Variants in SDK1 observed in about 807,000 individuals in gnomAD.
SDK1 encodes sidekick cell adhesion molecule 1.
SDK1 carries 157 observed loss-of-function variants against 245.5 expected under a neutral mutation model. The ratio of observed to expected loss-of-function variants is 0.64; its 90% CI spans 0.56 to 0.73. The LOEUF (loss-of-function observed/expected upper bound fraction) is 0.73, where lower values mean the gene tolerates loss of function less well. SDK1 is among the 30% of genes least tolerant of loss of function. SDK1 has a pLI of 0.00. For missense variants in SDK1, 3,583 were observed against 3,002.3 expected (o/e 1.19, Z -4.52); for synonymous variants, 1,647 against 1,278.5 (o/e 1.29, Z -6.15).
At chr7:3,602,134 A>G (rs532083388) in intron 1 of SDK1, among the ~76,000 whole-genome samples, 46 of 151,920 alleles carry the variant, frequency 3.0e-4, no homozygotes, top group African/African-American at 9.2e-4. Context: ...GCTACAATAA[A>G]CATACGTGTG....
intron 1 of SDK1, among the ~76,000 whole-genome samples, chr7:3,428,379 G>C (rs1779735233): frequency 6.6e-6 from 1 of 152,188 alleles, no homozygotes; most frequent in Admixed American, 6.5e-5. Context: ...TGCAAAGCAA[G>C]GACTGCGAGT....
intron 5 of SDK1, among the ~76,000 whole-genome samples, chr7:3,866,888 T>C (rs1780835222): frequency 6.6e-6 from 1 of 152,172 alleles, no homozygotes; most frequent in South Asian, 2.1e-4. Context: ...CCATGGGAGC[T>C]GGACTGCCGA....
At chr7:4,125,086 T>TGATG in intron 25 of SDK1, among the ~76,000 whole-genome samples, 1 of 146,110 alleles carries the variant, frequency 6.8e-6, no homozygotes, top group Admixed American at 6.8e-5. Flanking sequence ...GATGGATGGA[T>TGATG]GATGGATGGA....
chr7:3,712,284 G>C (rs1387687592), intron 4 of SDK1, among the ~76,000 whole-genome samples: 1 of 152,144 alleles, frequency 6.6e-6, no homozygotes. Flanking sequence ...ATTGTGAACT[G>C]TGCGTGTGAG....
At chr7:3,333,289 T>G (rs1298692144) in intron 1 of SDK1, among the ~76,000 whole-genome samples, 1 of 152,194 alleles carries the variant, frequency 6.6e-6, no homozygotes, top group Admixed American at 6.5e-5. Context: ...CAATGTTTTC[T>G]AGACATTCTA....
intron 1 of SDK1, among the ~76,000 whole-genome samples, chr7:3,508,548 G>C (rs778623160): frequency 6.6e-6 from 1 of 151,854 alleles, no homozygotes; most frequent in Non-Finnish European, 1.5e-5. Context: ...GGCTGGTCTC[G>C]AACTCCTGAC....
intron 28 of SDK1, among the ~76,000 whole-genome samples, chr7:4,135,043 C>G (rs1482099422): frequency 6.6e-6 from 1 of 152,356 alleles, no homozygotes; most frequent in South Asian, 2.1e-4. Flanking sequence ...ACGTGTCTAC[C>G]TGGTGAGGCT....
intron 22 of SDK1, among the ~76,000 whole-genome samples, chr7:4,088,167 GGT>G (rs1236662585): frequency 5.3e-5 from 8 of 152,036 alleles, no homozygotes; most frequent in African/African-American, 1.9e-4. Flanking sequence ...TGCTCAGCCT[GGT>G]GTATTGGTGT....
At chr7:3,594,592 C>T (rs1048339445) in intron 1 of SDK1, among the ~76,000 whole-genome samples, 2 of 152,162 alleles carry the variant, frequency 1.3e-5, no homozygotes, top group African/African-American at 4.8e-5. Context: ...CACATCCTTG[C>T]CAACACTTGT....
chr7:4,250,532 A>G (rs1787228154), intron 44 of SDK1, among the ~76,000 whole-genome samples: 1 of 151,988 alleles, frequency 6.6e-6, no homozygotes, highest in Non-Finnish European at 1.5e-5. Flanking sequence ...TTTATTAGAG[A>G]CAGGGTTTTG....
In SDK1 at chr7:3,378,342, C is replaced by T. The variant is rs533038599; in HGVS notation, c.298+76458C>T. Among the ~76,000 whole-genome samples, 53 of 152,268 alleles carry T rather than the reference C, an allele frequency of 3.5e-4. No homozygotes were observed. The South Asian group carries it at 8.5e-3, about 24-fold the overall frequency. Reference sequence around the variant, plus strand: ...TTTAATTCTACTTAAAAACAAAAGTCCTTGTTAGTTCATAAGACCTTGGGT... The same window carrying T: ...TTTAATTCTACTTAAAAACAAAAGTTCTTGTTAGTTCATAAGACCTTGGGT... On this transcript the variant is annotated intron_variant, in intron 1 of 44. Coordinates refer to ENST00000404826, the MANE Select transcript of SDK1 (RefSeq NM_152744.4).
intron 4 of SDK1, among the ~76,000 whole-genome samples, chr7:3,693,302 T>C (rs1784484820): frequency 6.6e-6 from 1 of 152,220 alleles, no homozygotes; most frequent in African/African-American, 2.4e-5. Context: ...GTCGTAATAT[T>C]CATTATTCCA....
intron 1 of SDK1, among the ~76,000 whole-genome samples, chr7:3,445,443 C>T (rs1780314828): frequency 6.6e-6 from 1 of 152,164 alleles, no homozygotes; most frequent in Non-Finnish European, 1.5e-5. Context: ...AGCAAATTAT[C>T]ATCTTGAATG....
chr7:4,084,505 C>T lies in SDK1; in HGVS notation c.3324+4921C>T, dbSNP rs116577603. 5.6e-3 allele frequency among the ~76,000 whole-genome samples: 859 copies of T among 152,256 alleles called. 10 individuals are homozygous for T. The highest frequency in any genetic ancestry group is 0.02 in the African/African-American group (829 of 41,548). ...GCCTTGGTTTCATGAGTGTCAAATG[C>T]TGTTTAAAGACGATAACCTGAGCAC... On this transcript the variant is annotated intron_variant, in intron 22 of 44. Coordinates refer to ENST00000404826, the MANE Select transcript of SDK1 (RefSeq NM_152744.4).
At chr7:3,414,480 T>C (rs977100610) in intron 1 of SDK1, among the ~76,000 whole-genome samples, 3 of 152,204 alleles carry the variant, frequency 2.0e-5, no homozygotes, top group African/African-American at 7.2e-5. Context: ...TGGTATGTTT[T>C]AGTTTTTTTC....
intron 20 of SDK1, among the ~76,000 whole-genome samples, chr7:4,074,193 T>A (rs1261753535): frequency 2.0e-5 from 3 of 152,006 alleles, no homozygotes; most frequent in African/African-American, 4.8e-5. Flanking sequence ...TAAACTTTCA[T>A]CTTAGACTAA....
chr7:3,501,959 T>C lies in SDK1; in HGVS notation c.299-117121T>C, dbSNP rs1032493068. 7.2e-5 allele frequency among the ~76,000 whole-genome samples: 11 copies of C among 152,338 alleles called. No individual in the cohort carries two copies. In the South Asian group the frequency reaches 2.1e-3, roughly 29 times the overall value. ...CCTCCTAGACCAAAGGTGTTTATTCTTTAGAACTTTATATGTTTGTTTTAA... is the reference window on the plus strand; with the variant it reads ...CCTCCTAGACCAAAGGTGTTTATTCCTTAGAACTTTATATGTTTGTTTTAA... On this transcript the variant is annotated intron_variant, in intron 1 of 44. Coordinates refer to ENST00000404826, the MANE Select transcript of SDK1 (RefSeq NM_152744.4).
intron 4 of SDK1, among the ~76,000 whole-genome samples, chr7:3,777,717 A>G (rs1780608291): frequency 1.3e-5 from 2 of 152,158 alleles, no homozygotes; most frequent in Admixed American, 1.3e-4. Flanking sequence ...CACACTGCCC[A>G]TCTATATATT....
chr7:4,005,148 C>T (rs549737650), intron 14 of SDK1, among the ~76,000 whole-genome samples: 15 of 145,366 alleles, frequency 1.0e-4, no homozygotes, highest in African/African-American at 3.4e-4. Context: ...TGGGTTCAAG[C>T]GATTCTCCTG....
Sources: allele counts gnomAD v4.1 joint callset (sites outside exome capture counted in the v4.1 genomes callset), GRCh38; gene constraint gnomAD v4.1.1; transcripts MANE v1.5; gene names NCBI Gene and HGNC (gene_info 2026-07-23, HGNC 2026-07-21).